The following HTRA3 variants were observed in gnomAD, a reference collection of about 807,000 sequenced individuals.
HTRA3 encodes serine protease HTRA3.
Under a neutral mutation model 43.2 loss-of-function variants are expected in HTRA3, and 41 were observed. The observed-to-expected ratio is 0.95, with a 90% CI of 0.74 to 1.23. The LOEUF is 1.23. HTRA3 is among the 50% of genes most tolerant of loss of function. The probability of loss-of-function intolerance (pLI) is 0.00; values close to 1 mark genes in which losing one functional copy is unlikely to be tolerated. For missense variants in HTRA3, 628 were observed against 647.1 expected, an observed-to-expected ratio of 0.97 and a Z score of 0.32; for synonymous variants, 295 against 287.9, an observed-to-expected ratio of 1.02 and a Z score of -0.25.
At chr4:8,273,966 A>G (rs1712413079) in intron 1 of HTRA3, among the ~76,000 whole-genome samples, 1 of 145,418 alleles carries the variant, frequency 6.9e-6, no homozygotes, top group African/African-American at 2.8e-5. Context: ...TCCACAAAAC[A>G]TCTCCTGGGG....
At chr4:8,302,601 G>T (rs1713701353) in intron 7 of HTRA3, 90 bp downstream of exon 7, 2 of 1,328,912 alleles carry the variant, frequency 1.5e-6, no homozygotes, top group Non-Finnish European at 1.1e-6. Context: ...GCTGTGTTCG[G>T]CTCCTTGCAG....
chr4:8,301,704 C>A (rs1326688977), intron 6 of HTRA3, among the ~76,000 whole-genome samples: 1 of 152,156 alleles, frequency 6.6e-6, no homozygotes, highest in Non-Finnish European at 1.5e-5. Context: ...CTACAACCTA[C>A]AAATTTTAAT....
In HTRA3 at chr4:8,296,030, G is replaced by T; in HGVS notation, c.1051+1829G>T. 2.6e-6 allele frequency: 3 copies of T among 1,155,390 alleles called. No individual in the cohort carries two copies. The highest frequency in any genetic ancestry group is 3.2e-6 in the Non-Finnish European group (3 of 939,288). 71.6% of individuals were successfully genotyped at this position (1,155,390 alleles called of 1,614,324 possible). A position where few individuals can be genotyped will look rare whatever the true frequency, so the allele number is the denominator to read the frequency against. ...GGTGCACCCAGACCTGTCCTAGCATGCTCCTTTCCCTAATGACCGAGTCTT... is the reference window on the plus strand; with the variant it reads ...GGTGCACCCAGACCTGTCCTAGCATTCTCCTTTCCCTAATGACCGAGTCTT... On this transcript the variant is annotated intron_variant, in intron 6 of 8. Coordinates refer to ENST00000307358, the MANE Select transcript of HTRA3 (RefSeq NM_053044.5). The surrounding 1 kb of genome is among the most constrained non-coding windows in gnomAD (Gnocchi z 5.3).
rs530059115 is a variant in HTRA3 at position 8,306,458 on chromosome 4, C to T, written c.*322C>T. The T allele has an allele frequency of 5.4e-5, 14 of 261,006 alleles. No homozygotes were observed. In the South Asian group the frequency reaches 7.3e-4, roughly 14 times the overall value. The allele number at this position is 261,006 out of a possible 1,614,324, so 16.2% of individuals were successfully genotyped here. ...TCCTCTCCTAGCTTCCCGCCTCTGCCCCTGTGAACACCCATCTGCAGTATC... is the reference window on the plus strand; with the variant it reads ...TCCTCTCCTAGCTTCCCGCCTCTGCTCCTGTGAACACCCATCTGCAGTATC... On this transcript the variant is annotated 3_prime_UTR_variant, in exon 9 of 9. Transcript: ENST00000307358. The surrounding 1 kb of genome is among the most constrained non-coding windows in gnomAD (Gnocchi z 8.9).
At chr4:8,293,294 G>A (rs908346961) in intron 5 of HTRA3, among the ~76,000 whole-genome samples, 2 of 152,208 alleles carry the variant, frequency 1.3e-5, no homozygotes, top group Admixed American at 6.5e-5. Context: ...AGGCTGCTCC[G>A]CATGGTCCAG....
rs940451942 is a variant in HTRA3, at chr4:8,306,190, C to A, written c.*54C>A. 1 of 1,495,886 alleles carries A rather than the reference C, an allele frequency of 6.7e-7. No individual in the cohort carries two copies. The highest frequency in any genetic ancestry group is 1.4e-5 in the African/African-American group (1 of 71,426). 92.7% of individuals were successfully genotyped at this position (1,495,886 alleles called of 1,614,324 possible). A position where few individuals can be genotyped will look rare whatever the true frequency, so the allele number is the denominator to read the frequency against. ...AGAGCCTGCAGACAACGGAGGGCAG[C>A]GCCCCCCCGAGATCAGGACGAAGGA... On this transcript the variant is annotated 3_prime_UTR_variant, in exon 9 of 9. Transcript: ENST00000307358. The surrounding 1 kb of genome is among the most constrained non-coding windows in gnomAD (Gnocchi z 8.9).
rs554574068 is a variant in HTRA3, at chr4:8,297,149, T to C, written c.1051+2948T>C. Among the ~76,000 whole-genome samples, 65 of 151,956 alleles carry C rather than the reference T, an allele frequency of 4.3e-4. 1 individual carries two copies. Among genetic ancestry groups the C allele is most frequent in the African/African-American group, 1.4e-3 (60 of 41,458 alleles). ...GGGTAGAGTCCTGAGTCCTTCCCAA[T>C]AGTGGAAAAGTCTGGGGAAGGCAGC... On this transcript the variant is annotated intron_variant, in intron 6 of 8. Coordinates refer to ENST00000307358, the MANE Select transcript of HTRA3 (RefSeq NM_053044.5). This position sits in a 1 kb window ranked among gnomAD's most constrained non-coding sequence, Gnocchi z 5.8.
At chr4:8,302,295 G>T (rs1177787332) in intron 6 of HTRA3, among the ~76,000 whole-genome samples, 168 bp from the exon 7 acceptor site, 3 of 152,116 alleles carry the variant, frequency 2.0e-5, no homozygotes, top group Non-Finnish European at 4.4e-5. Context: ...TGATGGTCAG[G>T]AGAGGGCAGC....
At chr4:8,300,045 G>A (rs2153007039) in intron 6 of HTRA3, among the ~76,000 whole-genome samples, 1 of 152,240 alleles carries the variant, frequency 6.6e-6, no homozygotes, top group South Asian at 2.1e-4. Flanking sequence ...TCACCATGTT[G>A]GCCAGGCTGG....
intron 7 of HTRA3, 131 bp downstream of exon 7, chr4:8,302,642 C>T: frequency 1.3e-6 from 1 of 799,802 alleles, no homozygotes; most frequent in Admixed American, 2.0e-5. Context: ...ACTCAGGCCT[C>T]TGACCGTTGC....
chr4:8,276,422 G>A (rs1299075159), intron 1 of HTRA3, among the ~76,000 whole-genome samples: 14 of 152,254 alleles, frequency 9.2e-5, no homozygotes, highest in Admixed American at 9.2e-4. Context: ...TGGAGTTAGT[G>A]AGAGTGAGGG....
chr4:8,275,885 T>C (rs1578787803), intron 1 of HTRA3, among the ~76,000 whole-genome samples: 1 of 152,232 alleles, frequency 6.6e-6, no homozygotes, highest in African/African-American at 2.4e-5. Context: ...GTCCCCTGGT[T>C]CCCCAGCCAG....
Position 8,306,292 on chromosome 4 carries a change from G to A in HTRA3, c.*156G>A. On this transcript the variant is annotated 3_prime_UTR_variant, in exon 9 of 9. Coordinates refer to ENST00000307358, the MANE Select transcript of HTRA3 (RefSeq NM_053044.5). The surrounding 1 kb of genome is among the most constrained non-coding windows in gnomAD (Gnocchi z 8.9). ...GAGCGGAGGCTGGGCTTGGCCAGGGGCCCGAATTTCCGCCTGGGGAGTGTT... is the reference window on the plus strand; with the variant it reads ...GAGCGGAGGCTGGGCTTGGCCAGGGACCCGAATTTCCGCCTGGGGAGTGTT... The A allele has an allele frequency of 1.3e-6, 1 of 777,270 alleles. No individual in the cohort carries two copies. Among genetic ancestry groups the A allele is most frequent in the East Asian group, 3.0e-5 (1 of 33,680 alleles). The allele number at this position is 777,270 out of a possible 1,614,324, so 48.1% of individuals were successfully genotyped here.
intron 1 of HTRA3, among the ~76,000 whole-genome samples, chr4:8,273,239 G>T (rs1274716581): frequency 6.6e-6 from 1 of 152,214 alleles, no homozygotes; most frequent in Non-Finnish European, 1.5e-5. Flanking sequence ...AGTCGGGTCA[G>T]GCCTGGGCCC....
intron 2 of HTRA3, among the ~76,000 whole-genome samples, chr4:8,285,789 G>T (rs1205755267): frequency 6.6e-6 from 1 of 152,256 alleles, no homozygotes; most frequent in Non-Finnish European, 1.5e-5. Flanking sequence ...GCCCAGGCTG[G>T]CCTCATCTGT....
rs1309055427 is a variant in HTRA3 at position 8,297,482 on chromosome 4, G to A, written c.1051+3281G>A. Among the ~76,000 whole-genome samples, 10 of 152,110 alleles carry A rather than the reference G, an allele frequency of 6.6e-5. No individual in the cohort carries two copies. The highest frequency in any genetic ancestry group is 3.9e-4 in the Admixed American group (6 of 15,272). ...CCCGCTTTCCTTCTAGCAGGGAGAC[G>A]GGCCACAAAAACGCCCCCAGATGCC... On this transcript the variant is annotated intron_variant, in intron 6 of 8. Transcript: ENST00000307358. The surrounding 1 kb of genome is among the most constrained non-coding windows in gnomAD (Gnocchi z 5.8).
At position 8,286,804 on chromosome 4, in the gene HTRA3, G is replaced by A. The variant is rs756666659; in HGVS notation, c.708+21G>A. 17 of 1,580,934 alleles carry A rather than the reference G, an allele frequency of 1.1e-5. No homozygotes were observed. The highest frequency in any genetic ancestry group is 1.5e-5 in the Non-Finnish European group (17 of 1,152,944). On this transcript the variant is annotated intron_variant, in intron 3 of 8. Transcript: ENST00000307358. This position sits in a 1 kb window ranked among gnomAD's most constrained non-coding sequence, Gnocchi z 4.9. ...CCAAGGTGGGTGGGCGTGGGTGGAG[G>A]GGCGGAAGCACCTGGGGCTGGGCAT...
At chr4:8,299,252 AATG>A (rs1713557872) in intron 6 of HTRA3, among the ~76,000 whole-genome samples, 1 of 152,186 alleles carries the variant, frequency 6.6e-6, no homozygotes, top group African/African-American at 2.4e-5. Context: ...TGCTATTATA[AATG>A]ATGTATTCTT....
chr4:8,279,507 CGCT>C lies in HTRA3; in HGVS notation c.386-2929_386-2927del, dbSNP rs1441955725. 6.6e-6 allele frequency among the ~76,000 whole-genome samples: 1 copy of C among 152,126 alleles called. No homozygotes were observed. The highest frequency in any genetic ancestry group is 1.5e-5 in the Non-Finnish European group (1 of 68,028). The stretch of plus-strand genomic sequence containing the variant: ...GAGCTCAGGGGCCCAGCAGCCCAGG[CGCT>C]TGAGGGGGTCCAGGGGCTGGGCTTT... On this transcript the variant is annotated intron_variant, in intron 1 of 8. Transcript: ENST00000307358. This position sits in a 1 kb window ranked among gnomAD's most constrained non-coding sequence, Gnocchi z 7.4.
Sources: allele counts gnomAD v4.1 joint callset (sites outside exome capture counted in the v4.1 genomes callset), GRCh38; gene constraint gnomAD v4.1.1; non-coding constraint Gnocchi (gnomAD v3.1); transcripts MANE v1.5; gene names NCBI Gene and HGNC (gene_info 2026-07-23, HGNC 2026-07-21).